The following METTL25 variants were observed in gnomAD, a reference collection of about 807,000 sequenced individuals.
METTL25 encodes methyltransferase like 25, also known as probable methyltransferase-like protein 25.
In METTL25, 64 loss-of-function variants were observed where a neutral mutation model predicts 71.6. That is an observed-to-expected ratio of 0.89 (90% CI 0.73 to 1.10). METTL25 has a LOEUF of 1.10. METTL25 is among the 50% of genes least tolerant of loss of function. The pLI, the probability that METTL25 is intolerant of heterozygous loss-of-function variation, is 0.00. For synonymous variants in METTL25, 287 were observed against 250.3 expected (o/e 1.15, Z -1.38); for missense variants, 807 against 707.0 (o/e 1.14, Z -1.60).
At chr12:82,451,382 A>C in intron 8 of METTL25, 1 of 355,488 alleles carries the variant, frequency 2.8e-6, no homozygotes, top group Non-Finnish European at 3.9e-6. Flanking sequence ...GCATCATATC[A>C]CTGTGGTCGT....
chr12:82,462,726 A>G (rs777900479), intron 9 of METTL25, among the ~76,000 whole-genome samples: 2 of 152,136 alleles, frequency 1.3e-5, no homozygotes, highest in Non-Finnish European at 2.9e-5. Flanking sequence ...ACACATGAAT[A>G]CAGTCGTTCC....
At chr12:82,363,140 C>A (rs1159484868) in intron 1 of METTL25, among the ~76,000 whole-genome samples, 1 of 152,152 alleles carries the variant, frequency 6.6e-6, no homozygotes, top group East Asian at 1.9e-4. Context: ...GATCTAAGAT[C>A]TGAGTATAAA....
intron 5 of METTL25, among the ~76,000 whole-genome samples, chr12:82,428,132 G>T (rs1386611948): frequency 1.3e-5 from 2 of 151,832 alleles, no homozygotes; most frequent in Admixed American, 1.3e-4. Context: ...GTGGGTGAAA[G>T]AACATACCCC....
At chr12:82,457,058 C>T (rs1200230606) in intron 9 of METTL25, among the ~76,000 whole-genome samples, 1 of 151,710 alleles carries the variant, frequency 6.6e-6, no homozygotes, top group Non-Finnish European at 1.5e-5. Flanking sequence ...TAAAAATGTG[C>T]CAATTTACAA....
chr12:82,431,593 A>AT (rs1338939277), intron 6 of METTL25, among the ~76,000 whole-genome samples: 1 of 151,604 alleles, frequency 6.6e-6, no homozygotes, highest in African/African-American at 2.4e-5. Flanking sequence ...TTCTGAGTAG[A>AT]TTTTAGGTGC....
intron 5 of METTL25, among the ~76,000 whole-genome samples, chr12:82,418,872 G>A (rs942905543): frequency 6.6e-6 from 1 of 152,094 alleles, no homozygotes. Flanking sequence ...TTTTATGTGG[G>A]TATGTGATTG....
chr12:82,398,707 ACT>A (rs1451842807), intron 3 of METTL25, 86 bp from the exon 4 acceptor site: 1 of 792,326 alleles, frequency 1.3e-6, no homozygotes, highest in Non-Finnish European at 1.8e-6. Flanking sequence ...AAGTTATATA[ACT>A]CATTTGTTTA....
intron 5 of METTL25, among the ~76,000 whole-genome samples, chr12:82,404,394 A>C (rs2137031995): frequency 6.6e-6 from 1 of 152,258 alleles, no homozygotes; most frequent in Admixed American, 6.5e-5. Context: ...TAAATTATAT[A>C]CCCACATATT....
At chr12:82,469,404 G>A (rs924159006) in intron 9 of METTL25, among the ~76,000 whole-genome samples, 4 of 151,958 alleles carry the variant, frequency 2.6e-5, no homozygotes, top group Admixed American at 1.3e-4. Context: ...ATTGCAGAAG[G>A]GGAAACAAAC....
At chr12:82,420,169 C>A (rs1052671817) in intron 5 of METTL25, among the ~76,000 whole-genome samples, 2 of 152,020 alleles carry the variant, frequency 1.3e-5, no homozygotes, top group Non-Finnish European at 2.9e-5. Context: ...AACACAGAAG[C>A]AAGAGCAGGG....
chr12:82,390,586 T>C (rs1414320514), intron 3 of METTL25, among the ~76,000 whole-genome samples: 1 of 152,098 alleles, frequency 6.6e-6, no homozygotes, highest in Non-Finnish European at 1.5e-5. Context: ...TTCCTTCCTG[T>C]AATTTTTATT....
At chr12:82,453,122 C>T (rs935940934) in intron 8 of METTL25, among the ~76,000 whole-genome samples, 2 of 152,156 alleles carry the variant, frequency 1.3e-5, no homozygotes, top group African/African-American at 4.8e-5. Flanking sequence ...GGCAATAAGT[C>T]TAGCAATAAA....
At chr12:82,452,027 T>G (rs1268837171) in intron 8 of METTL25, among the ~76,000 whole-genome samples, 17 of 152,252 alleles carry the variant, frequency 1.1e-4, no homozygotes, top group Admixed American at 1.0e-3. Context: ...TAAAAATTTC[T>G]TCTAGACTGA....
At chr12:82,444,498 A>T (rs1890600648) in intron 8 of METTL25, among the ~76,000 whole-genome samples, 1 of 152,184 alleles carries the variant, frequency 6.6e-6, no homozygotes, top group South Asian at 2.1e-4. Flanking sequence ...CACAGACAAA[A>T]TTCCGAAGAC....
intron 9 of METTL25, among the ~76,000 whole-genome samples, chr12:82,460,564 C>G (rs1331869882): frequency 6.6e-6 from 1 of 152,162 alleles, no homozygotes; most frequent in Non-Finnish European, 1.5e-5. Context: ...TATGATAGTT[C>G]TTTCAAAAGC....
intron 1 of METTL25, among the ~76,000 whole-genome samples, chr12:82,373,513 T>G (rs533399415): frequency 4.0e-5 from 6 of 151,636 alleles, no homozygotes; most frequent in Non-Finnish European, 5.9e-5. Context: ...AGACAGGGAG[T>G]GGTTTTTAGA....
intron 1 of METTL25, among the ~76,000 whole-genome samples, chr12:82,374,494 G>A (rs542034574): frequency 4.5e-4 from 68 of 152,030 alleles, no homozygotes; most frequent in African/African-American, 1.6e-3. Flanking sequence ...ACAGAGTGCT[G>A]ATTGGTGTGT....
At chr12:82,398,264 T>TA (rs145677188) in intron 3 of METTL25, among the ~76,000 whole-genome samples, 1 of 151,516 alleles carries the variant, frequency 6.6e-6, no homozygotes, top group Admixed American at 6.6e-5. Flanking sequence ...TTTTTTTTTT[T>TA]ATAGAGACAG....
At chr12:82,457,907 T>C (rs868062117) in intron 9 of METTL25, among the ~76,000 whole-genome samples, 2 of 152,130 alleles carry the variant, frequency 1.3e-5, no homozygotes, top group African/African-American at 4.8e-5. Flanking sequence ...AAAATGTTTT[T>C]CATTCACCTG....
Sources: gnomAD v4.1 joint callset for allele counts (sites outside exome capture counted in the v4.1 genomes callset) on GRCh38, gnomAD v4.1.1 for gene constraint, MANE v1.5 for transcripts, NCBI Gene and HGNC (gene_info 2026-07-23, HGNC 2026-07-21) for gene names.